USP46: variants seen among roughly 807,000 people sequenced by gnomAD.
USP46 encodes the protein ubiquitin carboxyl-terminal hydrolase 46.
USP46 carries 12 observed loss-of-function variants against 44.4 expected under a neutral mutation model. That is an observed-to-expected ratio of 0.27 (90% CI 0.17 to 0.44). USP46 has a LOEUF of 0.44. USP46 is among the 20% of genes least tolerant of loss of function. The pLI is 1.00. For synonymous variants in USP46, 155 were observed against 161.5 expected (o/e 0.96, Z 0.31); for missense variants, 248 against 444.8 (o/e 0.56, Z 3.98).
intron 1 of USP46, among the ~76,000 whole-genome samples, chr4:52,632,979 A>G (rs1560406057): frequency 1.3e-5 from 1 of 77,068 alleles, no homozygotes; most frequent in African/African-American, 6.8e-5. Context: ...AAAGAAAGAA[A>G]GAAAGAAAAG....
rs1200127004 is a variant in USP46, at chr4:52,594,204, C to A, written c.*3436G>T. 6.6e-6 allele frequency: 1 copy of A among 152,080 alleles called. No individual in the cohort carries two copies. The highest frequency in any genetic ancestry group is 1.5e-5 in the Non-Finnish European group (1 of 68,004). 9.4% of individuals were successfully genotyped at this position (152,080 alleles called of 1,614,324 possible). A position where few individuals can be genotyped will look rare whatever the true frequency, so the allele number is the denominator to read the frequency against. On this transcript the variant is annotated 3_prime_UTR_variant, in exon 9 of 9. Transcript: ENST00000441222. ...ATTTTATTCATTTATTTATTTTTTG[C>A]AAACAATTTTAGAGGCAGGGTGTTA...
intron 4 of USP46, among the ~76,000 whole-genome samples, chr4:52,611,419 T>C (rs1716930293): frequency 6.6e-6 from 1 of 152,236 alleles, no homozygotes; most frequent in Admixed American, 6.5e-5. Flanking sequence ...TTTTACTGTC[T>C]TGTTCCCGGA....
At chr4:52,618,907 T>C (rs1717271642) in intron 4 of USP46, among the ~76,000 whole-genome samples, 1 of 152,178 alleles carries the variant, frequency 6.6e-6, no homozygotes, top group Non-Finnish European at 1.5e-5. Context: ...ATAAAGCAGT[T>C]CTTAAAACAA....
At chr4:52,599,075 T>C (rs1390930787) in intron 7 of USP46, among the ~76,000 whole-genome samples, 1 of 152,138 alleles carries the variant, frequency 6.6e-6, no homozygotes, top group African/African-American at 2.4e-5. Context: ...AGGGGCTAGA[T>C]TGGCAATACA....
At chr4:52,638,862 C>T (rs550742581) in intron 1 of USP46, among the ~76,000 whole-genome samples, 1 of 152,106 alleles carries the variant, frequency 6.6e-6, no homozygotes, top group African/African-American at 2.4e-5. Context: ...TATGTTCGTG[C>T]TCTCCCTATG....
In USP46 at chr4:52,632,981, AAAGAAAAGAAAAGAAAGAAAGAAAG is replaced by A. The variant is rs1560406112; in HGVS notation, c.37-1862_37-1838del. Among the ~76,000 whole-genome samples, 136 of 63,384 alleles carry A rather than the reference AAAGAAAAGAAAAGAAAGAAAGAAAG, an allele frequency of 2.1e-3. 3 individuals carry two copies. Among genetic ancestry groups the A allele is most frequent in the African/African-American group, 8.4e-3 (105 of 12,516 alleles). The allele number at this position is 63,384 out of a possible 152,430, so 41.6% of individuals were successfully genotyped here. A position where few individuals can be genotyped will look rare whatever the true frequency, so the allele number is the denominator to read the frequency against. On this transcript the variant is annotated intron_variant, in intron 1 of 8. Coordinates refer to ENST00000441222, the MANE Select transcript of USP46 (RefSeq NM_022832.4). Reference sequence around the variant, plus strand: ...GAAAGAAAGAAAGAAAGAAAGAAAGAAAGAAAAGAAAAGAAAGAAAGAAAGAAAGAAAGAAAGAAAGAAAGAAAAA... The same window carrying A: ...GAAAGAAAGAAAGAAAGAAAGAAAGAAAAGAAAGAAAGAAAGAAAGAAAAA...
At chr4:52,656,370 G>C (rs1249425553) in intron 1 of USP46, 2 of 1,331,198 alleles carry the variant, frequency 1.5e-6, no homozygotes, top group African/African-American at 1.6e-5. Flanking sequence ...CCAGTGAAAA[G>C]ACAGCAGTTT....
intron 5 of USP46, among the ~76,000 whole-genome samples, chr4:52,608,983 A>T (rs910567134): frequency 6.6e-6 from 1 of 152,220 alleles, no homozygotes; most frequent in Non-Finnish European, 1.5e-5. Context: ...AGGACAATTA[A>T]GATAAACTTC....
At chr4:52,617,353 A>C (rs1379345250) in intron 4 of USP46, among the ~76,000 whole-genome samples, 1 of 152,256 alleles carries the variant, frequency 6.6e-6, no homozygotes, top group East Asian at 1.9e-4. Context: ...ATTCTACTTA[A>C]GCTCTTATAC....
intron 1 of USP46, among the ~76,000 whole-genome samples, chr4:52,652,211 A>G (rs1718792072): frequency 1.3e-5 from 2 of 152,330 alleles, no homozygotes; most frequent in South Asian, 4.1e-4. Context: ...CACCCATCAG[A>G]CTGGCAAAAC....
intron 1 of USP46, among the ~76,000 whole-genome samples, chr4:52,640,272 A>C (rs902048748): frequency 1.3e-5 from 2 of 152,188 alleles, no homozygotes; most frequent in African/African-American, 4.8e-5. Context: ...TTCCATCAAC[A>C]GACACTGAGC....
In USP46 at chr4:52,659,239, G is replaced by A; in HGVS notation, c.-89C>T. 7.0e-7 allele frequency: 1 copy of A among 1,421,616 alleles called. No homozygotes were observed. Among genetic ancestry groups the A allele is most frequent in the Non-Finnish European group, 9.3e-7 (1 of 1,072,484 alleles). The allele number at this position is 1,421,616 out of a possible 1,614,324, so 88.1% of individuals were successfully genotyped here. On this transcript the variant is annotated 5_prime_UTR_variant, in exon 1 of 9. Coordinates refer to ENST00000441222, the MANE Select transcript of USP46 (RefSeq NM_022832.4). This position sits in a 1 kb window ranked among gnomAD's most constrained non-coding sequence, Gnocchi z 4.2. ...GGTGGCGCGCTGGCGGGGAGGCCGGGCGGCAGCGCGGCGGCCTGGGGTCCG... is the reference window on the plus strand; with the variant it reads ...GGTGGCGCGCTGGCGGGGAGGCCGGACGGCAGCGCGGCGGCCTGGGGTCCG...
At chr4:52,622,202 G>A (rs574378681) in intron 4 of USP46, among the ~76,000 whole-genome samples, 1 of 152,316 alleles carries the variant, frequency 6.6e-6, no homozygotes, top group South Asian at 2.1e-4. Context: ...GAAGTACACA[G>A]TGGGTTTCAA....
chr4:52,614,595 A>T (rs1167359384), intron 4 of USP46, among the ~76,000 whole-genome samples: 1 of 152,228 alleles, frequency 6.6e-6, no homozygotes, highest in East Asian at 1.9e-4. Context: ...AAATGAAGAG[A>T]ATTCATTGAT....
At chr4:52,606,255 C>A (rs993227673) in intron 5 of USP46, among the ~76,000 whole-genome samples, 7 of 152,310 alleles carry the variant, frequency 4.6e-5, no homozygotes, top group Non-Finnish European at 8.8e-5. Flanking sequence ...GGGTCAATGA[C>A]TCCTGAGAGA....
At chr4:52,614,538 C>T (rs1275681429) in intron 4 of USP46, among the ~76,000 whole-genome samples, 1 of 152,024 alleles carries the variant, frequency 6.6e-6, no homozygotes, top group Non-Finnish European at 1.5e-5. Flanking sequence ...AAATGATTAG[C>T]CTGGAATTCC....
chr4:52,608,643 C>T (rs1039908189), intron 5 of USP46, among the ~76,000 whole-genome samples: 1 of 152,208 alleles, frequency 6.6e-6, no homozygotes, highest in African/African-American at 2.4e-5. Flanking sequence ...TGCCCAATCC[C>T]GCACCCCTCC....
intron 1 of USP46, among the ~76,000 whole-genome samples, chr4:52,652,337 A>G (rs1409850073): frequency 6.6e-6 from 1 of 152,234 alleles, no homozygotes; most frequent in African/African-American, 2.4e-5. Flanking sequence ...CAGGCAACTT[A>G]TTAAAGAAGA....
intron 4 of USP46, among the ~76,000 whole-genome samples, chr4:52,621,697 T>C (rs988837572): frequency 2.0e-5 from 3 of 151,952 alleles, no homozygotes; most frequent in Admixed American, 6.6e-5. Context: ...TGTAACTAAC[T>C]TACCACCACT....
Sources: allele counts gnomAD v4.1 joint callset (sites outside exome capture counted in the v4.1 genomes callset), GRCh38; gene constraint gnomAD v4.1.1; non-coding constraint Gnocchi (gnomAD v3.1); transcripts MANE v1.5; gene names NCBI Gene and HGNC (gene_info 2026-07-23, HGNC 2026-07-21).